The following MYRFL variants were observed in gnomAD, a reference collection of about 807,000 sequenced individuals.
MYRFL encodes the protein myelin regulatory factor-like protein.
In MYRFL, 88 loss-of-function variants were observed where a neutral mutation model predicts 109.4. The ratio of observed to expected loss-of-function variants is 0.80; its 90% CI spans 0.68 to 0.96. The LOEUF is 0.96. MYRFL is among the 40% of genes least tolerant of loss of function. MYRFL has a pLI of 0.00. For missense variants in MYRFL, 957 were observed against 954.9 expected, an observed-to-expected ratio of 1.00 and a Z score of -0.03; for synonymous variants, 324 against 320.9, an observed-to-expected ratio of 1.01 and a Z score of -0.10.
intron 1 of MYRFL, among the ~76,000 whole-genome samples, chr12:69,831,367 G>C (rs1388289436): frequency 1.3e-5 from 2 of 152,078 alleles, no homozygotes; most frequent in Non-Finnish European, 2.9e-5. Context: ...ATATTATCTG[G>C]CTCTTTACAA....
chr12:69,928,057 A>G (rs958358753), intron 15 of MYRFL, among the ~76,000 whole-genome samples: 10 of 152,196 alleles, frequency 6.6e-5, no homozygotes, highest in South Asian at 2.1e-4. Flanking sequence ...TGCCAGATCT[A>G]TGTACATGCC....
chr12:69,950,893 A>G (rs963428714), intron 19 of MYRFL, among the ~76,000 whole-genome samples: 1 of 152,246 alleles, frequency 6.6e-6, no homozygotes, highest in Admixed American at 6.5e-5. Flanking sequence ...TAGATAGGAA[A>G]TAAAACTATC....
At chr12:69,832,154 G>T (rs975589688) in intron 1 of MYRFL, among the ~76,000 whole-genome samples, 1 of 152,140 alleles carries the variant, frequency 6.6e-6, no homozygotes, top group African/African-American at 2.4e-5. Context: ...ACTGGTCTAA[G>T]TTTATATAGC....
chr12:69,952,607 T>C (rs1204073304), intron 20 of MYRFL, among the ~76,000 whole-genome samples, 192 bp from the exon 21 acceptor site: 2 of 152,172 alleles, frequency 1.3e-5, no homozygotes, highest in African/African-American at 4.8e-5. Flanking sequence ...TTCTAATAGG[T>C]ACTATAACCC....
At chr12:69,828,833 T>A (rs959217942) in intron 1 of MYRFL, among the ~76,000 whole-genome samples, 10 of 152,158 alleles carry the variant, frequency 6.6e-5, no homozygotes, top group African/African-American at 2.4e-4. Context: ...AGAGGACTCA[T>A]TATTTGTTTC....
chr12:69,839,364 C>T (rs937289569), intron 1 of MYRFL, among the ~76,000 whole-genome samples: 4 of 152,062 alleles, frequency 2.6e-5, no homozygotes, highest in Admixed American at 1.3e-4. Flanking sequence ...CTACTATTTC[C>T]AAATGAAGAC....
At chr12:69,941,941 T>C (rs1185351343) in intron 19 of MYRFL, among the ~76,000 whole-genome samples, 4 of 150,714 alleles carry the variant, frequency 2.7e-5, no homozygotes, top group African/African-American at 9.9e-5. Context: ...CTAGAAGAAA[T>C]GGATAAATTC....
rs1174217461 is a variant in MYRFL at position 69,871,375 on chromosome 12, A to AC, written c.138-7651dup. Among the ~76,000 whole-genome samples, 7 of 151,532 alleles carry AC rather than the reference A, an allele frequency of 4.6e-5. No homozygotes were observed. The East Asian group carries it at 1.4e-3, about 29-fold the overall frequency. ...CTCCCGAGTAGCTGGAACTACAGGC[A>AC]CCTACCACCATGCCCGGCTAATTTT... On this transcript the variant is annotated intron_variant, in intron 2 of 24. Coordinates refer to ENST00000552032, the MANE Select transcript of MYRFL (RefSeq NM_182530.3).
chr12:69,853,901 G>C (rs548526847), intron 1 of MYRFL, among the ~76,000 whole-genome samples: 1 of 151,950 alleles, frequency 6.6e-6, no homozygotes, highest in African/African-American at 2.4e-5. Flanking sequence ...CATCCCAGAC[G>C]ATGGGCGGCC....
At chr12:69,855,498 T>C (rs1329336940) in intron 2 of MYRFL, 128 bp downstream of exon 2, 2 of 562,318 alleles carry the variant, frequency 3.6e-6, no homozygotes, top group East Asian at 5.6e-5. Context: ...TTATTATGTC[T>C]ATGGATCTTT....
intron 2 of MYRFL, among the ~76,000 whole-genome samples, chr12:69,858,938 A>G (rs1446687471): frequency 1.3e-5 from 2 of 151,696 alleles, no homozygotes; most frequent in African/African-American, 2.4e-5. Flanking sequence ...TGAGTTTGTG[A>G]TTTGAGGTTA....
chr12:69,948,363 G>T (rs938953377), intron 19 of MYRFL, among the ~76,000 whole-genome samples: 4 of 152,114 alleles, frequency 2.6e-5, no homozygotes, highest in Admixed American at 2.6e-4. Context: ...TACCCCACCA[G>T]GTACTCAATT....
intron 11 of MYRFL, among the ~76,000 whole-genome samples, chr12:69,908,985 G>T (rs1420567636): frequency 6.6e-6 from 1 of 151,926 alleles, no homozygotes; most frequent in Admixed American, 6.6e-5. Context: ...TCATCATTTA[G>T]CCCTCAGTTA....
At chr12:69,943,103 C>T (rs1163238580) in intron 19 of MYRFL, among the ~76,000 whole-genome samples, 2 of 151,572 alleles carry the variant, frequency 1.3e-5, no homozygotes, top group Non-Finnish European at 2.9e-5. Context: ...AATGGCCATA[C>T]TGCCCAGGGT....
rs554272350 is a variant in MYRFL, at chr12:69,957,858, C to G, written c.2487C>G (p.Phe829Leu). 4.0e-5 allele frequency: 62 copies of G among 1,534,518 alleles called. No homozygotes were observed. In the East Asian group the frequency reaches 1.4e-3, roughly 35 times the overall value. Residue 829 changes from phenylalanine to leucine, a missense_variant, in exon 23 of 25, where the codon TTC becomes TTG. Coordinates refer to ENST00000552032, the MANE Select transcript of MYRFL (RefSeq NM_182530.3). ...CATTGATAGTCTTCCAGTGCAAATT[C>G]ACCCTTGGAAATATATGTTTCCATA... is the stretch of plus-strand genomic sequence containing the variant. ...TEPLIVFQCK[F>L]TLGNICFHSK...
At chr12:69,897,100 A>T (rs1247489159) in intron 9 of MYRFL, 56 bp from the exon 10 acceptor site, 1 of 1,213,476 alleles carries the variant, frequency 8.2e-7, no homozygotes, top group Non-Finnish European at 1.2e-6. Context: ...ATTTGTTTGT[A>T]CAAATTGTGT....
intron 14 of MYRFL, among the ~76,000 whole-genome samples, chr12:69,927,466 TTTG>T (rs1955134074): frequency 6.6e-6 from 1 of 152,100 alleles, no homozygotes; most frequent in South Asian, 2.1e-4. Flanking sequence ...GGGGTTTAGT[TTTG>T]AGAAAAAGAG....
intron 1 of MYRFL, among the ~76,000 whole-genome samples, chr12:69,848,937 T>C (rs1034346827): frequency 6.6e-6 from 1 of 152,230 alleles, no homozygotes; most frequent in African/African-American, 2.4e-5. Context: ...AGTGCTGTGA[T>C]CTCGGCTCAC....
At chr12:69,929,700 G>A (rs536611503) in intron 15 of MYRFL, among the ~76,000 whole-genome samples, 4 of 152,320 alleles carry the variant, frequency 2.6e-5, no homozygotes, top group African/African-American at 9.6e-5. Flanking sequence ...GCATAGCACT[G>A]TGGTTAAGAG....
Sources: allele counts gnomAD v4.1 joint callset (sites outside exome capture counted in the v4.1 genomes callset), GRCh38; gene constraint gnomAD v4.1.1; transcripts MANE v1.5; gene names NCBI Gene and HGNC (gene_info 2026-07-23, HGNC 2026-07-21).